The following PRDM2 variants were observed in gnomAD, a reference collection of about 807,000 sequenced individuals.
PRDM2 encodes the protein PR/SET domain 2.
Under a neutral mutation model 130.0 loss-of-function variants are expected in PRDM2, and 30 were observed. The observed-to-expected ratio is 0.23, with a 90% CI of 0.17 to 0.31. The LOEUF is 0.31. Among genes scored for constraint, PRDM2 ranks in the 10% least tolerant of loss-of-function variants. The probability of loss-of-function intolerance (pLI) is 1.00; values close to 1 mark genes in which losing one functional copy is unlikely to be tolerated. For synonymous variants in PRDM2, 871 were observed against 782.4 expected, an observed-to-expected ratio of 1.11 and a Z score of -1.89; for missense variants, 2,011 against 2,108.4, an observed-to-expected ratio of 0.95 and a Z score of 0.90.
intron 8 of PRDM2, chr1:13,783,343 C>A (rs1401477553): frequency 2.8e-6 from 1 of 362,526 alleles, no homozygotes. Flanking sequence ...TTGATTGCAT[C>A]GGTCAAAACA....
At chr1:13,716,219 A>G (rs144039918) in intron 2 of PRDM2, among the ~76,000 whole-genome samples, 2,764 of 149,552 alleles carry the variant, frequency 0.018, 81 homozygotes, top group African/African-American at 0.065. Flanking sequence ...CAAACACCGC[A>G]TATTCTTATT....
intron 8 of PRDM2, among the ~76,000 whole-genome samples, chr1:13,792,330 T>G (rs1207059837): frequency 6.6e-6 from 1 of 152,230 alleles, no homozygotes; most frequent in East Asian, 1.9e-4. Flanking sequence ...AGGAGACAGT[T>G]ATGGGTATTT....
At chr1:13,795,779 A>T (rs1461582357) in intron 8 of PRDM2, among the ~76,000 whole-genome samples, 1 of 152,180 alleles carries the variant, frequency 6.6e-6, no homozygotes, top group Non-Finnish European at 1.5e-5. Flanking sequence ...GCAGATCTAG[A>T]TACTGAACAG....
At chr1:13,726,040 G>T (rs1642905213) in intron 2 of PRDM2, among the ~76,000 whole-genome samples, 1 of 152,240 alleles carries the variant, frequency 6.6e-6, no homozygotes, top group Admixed American at 6.5e-5. Context: ...CCTGCTGGCT[G>T]GGACTATGGG....
rs1266430275 is a variant in PRDM2 at position 13,782,299 on chromosome 1, C to G, written c.4504C>G (p.Pro1502Ala). ...ATCTAAGAAAGGTGGACACTCATCA[C>G]CTGCAAGTAGTGACAAAAACAGTAA... ...HSSKKGGHSS[P>A]ASSDKNSNSN... Residue 1502 changes from proline to alanine, a missense_variant, in exon 8 of 10, where the codon CCT becomes GCT. Around this residue, in one of 5 missense-constraint regions of PRDM2, gnomAD observed 410 missense variants for 395.9 expected, o/e 1.04. Transcript: ENST00000311066. 6.2e-7 allele frequency: 1 copy of G among 1,613,940 alleles called. No individual in the cohort carries two copies. The highest frequency in any genetic ancestry group is 8.5e-7 in the Non-Finnish European group (1 of 1,180,034).
chr1:13,787,532 T>G, intron 8 of PRDM2: 3 of 983,000 alleles, frequency 3.1e-6, no homozygotes, highest in Non-Finnish European at 3.6e-6. Context: ...ATTTGTTTGG[T>G]GAATTTGTGC....
chr1:13,708,258 C>T (rs998787614), intron 1 of PRDM2, among the ~76,000 whole-genome samples: 4 of 151,724 alleles, frequency 2.6e-5, no homozygotes, highest in South Asian at 2.1e-4. Flanking sequence ...AATCTAAATG[C>T]GGATTTATAG....
At chr1:13,765,666 C>T (rs1644210039) in intron 6 of PRDM2, among the ~76,000 whole-genome samples, 1 of 152,090 alleles carries the variant, frequency 6.6e-6, no homozygotes. Context: ...GGGATTTCAC[C>T]GTGTTGGTCA....
In PRDM2 at chr1:13,823,615, C is replaced by T; in HGVS notation, c.*480C>T. ...TTCCCCTTCAGTACCACCCCTCTCT[C>T]CCCACCTTCCCTCTCCCGGCAACAT... On this transcript the variant is annotated 3_prime_UTR_variant, in exon 10 of 10. Coordinates refer to ENST00000311066, the MANE Select transcript of PRDM2 (RefSeq NM_001393986.1). 1 of 164,024 alleles carries T rather than the reference C, an allele frequency of 6.1e-6. No homozygotes were observed. Among genetic ancestry groups the T allele is most frequent in the Admixed American group, 6.3e-5 (1 of 15,800 alleles). 10.2% of individuals were successfully genotyped at this position (164,024 alleles called of 1,614,324 possible). A position where few individuals can be genotyped will look rare whatever the true frequency, so the allele number is the denominator to read the frequency against.
chr1:13,772,379 T>TA (rs1644379432), intron 6 of PRDM2, among the ~76,000 whole-genome samples: 1 of 152,256 alleles, frequency 6.6e-6, no homozygotes, highest in Admixed American at 6.5e-5. Context: ...AATTTAATCT[T>TA]ACCTTGTAAA....
intron 8 of PRDM2, among the ~76,000 whole-genome samples, chr1:13,793,088 A>T (rs1036042071): frequency 6.6e-6 from 1 of 152,106 alleles, no homozygotes; most frequent in Non-Finnish European, 1.5e-5. Context: ...TACTGCAGAG[A>T]GTGTGTGTAG....
chr1:13,730,876 G>A, intron 2 of PRDM2, 124 bp from the exon 3 acceptor site: 1 of 678,934 alleles, frequency 1.5e-6, no homozygotes, highest in Non-Finnish European at 2.5e-6. Context: ...GTTTTGGTCT[G>A]TCTTGCCAGC....
In PRDM2 at chr1:13,780,852, A is replaced by G; in HGVS notation, c.3057A>G (p.Pro1019=). The G allele has an allele frequency of 6.3e-7, 1 of 1,583,830 alleles. No homozygotes were observed. Among genetic ancestry groups the G allele is most frequent in the Non-Finnish European group, 8.6e-7 (1 of 1,168,206 alleles). The change falls in exon 8 of 10, where the codon CCA becomes CCG. Residue 1019 remains proline, a synonymous_variant. Coordinates refer to ENST00000311066, the MANE Select transcript of PRDM2 (RefSeq NM_001393986.1). ...SPLSNATAQS[P]LPILSPTVSP... The stretch of plus-strand genomic sequence containing the variant: ...TCTCAAATGCCACCGCACAGTCCCC[A>G]CTTCCAATTCTGTCCCCAACAGTGT...
chr1:13,715,769 A>G (rs1642513265), intron 2 of PRDM2, among the ~76,000 whole-genome samples, 155 bp downstream of exon 2: 1 of 152,116 alleles, frequency 6.6e-6, no homozygotes, highest in South Asian at 2.1e-4. Flanking sequence ...CATACCGTGC[A>G]TTTGTTCGTG....
chr1:13,813,912 G>T (rs560271479), intron 8 of PRDM2, among the ~76,000 whole-genome samples: 1 of 152,224 alleles, frequency 6.6e-6, no homozygotes, highest in Non-Finnish European at 1.5e-5. Flanking sequence ...GGAGGTCGGG[G>T]TGTTATTTTT....
intron 8 of PRDM2, among the ~76,000 whole-genome samples, chr1:13,789,952 G>C (rs554759466): frequency 4.3e-4 from 66 of 152,338 alleles, no homozygotes; most frequent in Middle Eastern, 6.8e-3. Flanking sequence ...CTCAGTGAAG[G>C]TTCTGGTGAA....
chr1:13,778,388 T>A, intron 7 of PRDM2, 30 bp from the exon 8 acceptor site: 1 of 1,550,588 alleles, frequency 6.4e-7, no homozygotes, highest in Admixed American at 2.1e-5. Context: ...ATGCTTCACT[T>A]CCATGCTTCT....
At chr1:13,762,828 G>A (rs1454615392) in intron 6 of PRDM2, among the ~76,000 whole-genome samples, 2 of 152,238 alleles carry the variant, frequency 1.3e-5, no homozygotes, top group African/African-American at 2.4e-5. Context: ...CCTCCCCTGC[G>A]ATTATGTGGA....
chr1:13,713,443 G>T (rs1642432979), intron 1 of PRDM2, among the ~76,000 whole-genome samples: 1 of 152,178 alleles, frequency 6.6e-6, no homozygotes, highest in East Asian at 1.9e-4. Flanking sequence ...GCTTATTTTG[G>T]TGAAGGGGAC....
Sources: gnomAD v4.1 joint callset for allele counts (sites outside exome capture counted in the v4.1 genomes callset) on GRCh38, gnomAD v4.1.1 for gene constraint, gnomAD v4.1.1 regional missense constraint, MANE v1.5 for transcripts, NCBI Gene and HGNC (gene_info 2026-07-23, HGNC 2026-07-21) for gene names.